TLDC2: variants seen among roughly 807,000 people sequenced by gnomAD.
The protein encoded by TLDC2 is TLD domain-containing protein 2.
A neutral mutation model predicts 27.9 loss-of-function variants in TLDC2; 23 were observed. The observed-to-expected ratio is 0.82, with a 90% CI of 0.59 to 1.17. The LOEUF is 1.17. Among genes scored for constraint, TLDC2 ranks in the 50% most tolerant of loss-of-function variants. TLDC2 has a pLI of 0.00. For missense variants in TLDC2, 286 were observed against 273.4 expected, an observed-to-expected ratio of 1.05 and a Z score of -0.32; for synonymous variants, 124 against 107.4, an observed-to-expected ratio of 1.16 and a Z score of -0.96.
chr20:36,888,838 T>G (rs1372271060), intron 5 of TLDC2, among the ~76,000 whole-genome samples: 1 of 149,616 alleles, frequency 6.7e-6, no homozygotes, highest in Non-Finnish European at 1.5e-5. Flanking sequence ...CTGGCCAACA[T>G]AGCAAAACCC....
At chr20:36,877,610 G>A (rs960752650) in intron 1 of TLDC2, among the ~76,000 whole-genome samples, 3 of 152,110 alleles carry the variant, frequency 2.0e-5, no homozygotes, top group African/African-American at 4.8e-5. Context: ...CAAACAGACC[G>A]ACAAGTCGCA....
intron 1 of TLDC2, among the ~76,000 whole-genome samples, chr20:36,877,207 C>T (rs566082268): frequency 2.6e-5 from 4 of 152,046 alleles, no homozygotes; most frequent in Admixed American, 6.6e-5. Flanking sequence ...AGGAGGAACC[C>T]GTGTCTCTAC....
intron 3 of TLDC2, among the ~76,000 whole-genome samples, chr20:36,879,514 G>A (rs1989753737): frequency 6.6e-6 from 1 of 152,044 alleles, no homozygotes; most frequent in East Asian, 1.9e-4. Context: ...TCATTTGACT[G>A]TAAAACTGCA....
chr20:36,891,160 T>C (rs1046892875), intron 6 of TLDC2: 1 of 152,236 alleles, frequency 6.6e-6, no homozygotes, highest in Non-Finnish European at 1.5e-5. Flanking sequence ...ATGGTAGGCA[T>C]GAGAGGAGAA....
chr20:36,879,885 GA>G (rs71186023), intron 3 of TLDC2, among the ~76,000 whole-genome samples: 97 of 135,104 alleles, frequency 7.2e-4, no homozygotes, highest in Middle Eastern at 3.7e-3. Flanking sequence ...AACCCTGTCT[GA>G]AAAAAAAAAA....
chr20:36,876,183 C>T lies in TLDC2; in HGVS notation c.9C>T (p.Gly3=), dbSNP rs139684948. MR[G]LRWRYTRLPS... is the part of the protein sequence containing the mutation. Reference sequence around the variant, plus strand: ...TGAGCAGGGACAGGAGAATGAGAGGCCTCCGCTGGCGTTACACTCGGCTGG... The same window carrying T: ...TGAGCAGGGACAGGAGAATGAGAGGTCTCCGCTGGCGTTACACTCGGCTGG... Residue 3 remains glycine, a synonymous_variant, in exon 1 of 7, where the codon GGC becomes GGT. Coordinates refer to ENST00000217320, the MANE Select transcript of TLDC2 (RefSeq NM_080628.3). 3.5e-4 allele frequency: 569 copies of T among 1,614,176 alleles called. 2 individuals are homozygous for T. The African/African-American group carries it at 5.8e-3, about 16-fold the overall frequency.
rs1989740810 is a variant in TLDC2 at position 36,879,078 on chromosome 20, C to T, written c.227C>T (p.Pro76Leu). Residue 76 changes from proline to leucine, a missense_variant, in exon 3 of 7, where the codon CCC (proline) becomes CTC (leucine). Pro to Leu is a moderately conservative substitution (Grantham distance 98). Coordinates refer to ENST00000217320, the MANE Select transcript of TLDC2 (RefSeq NM_080628.3). ...TTCCCACCAAGAGTCACCGGCCATC[C>T]CTGGAGTCTGGTCTTCTGCACGTCA... ...FHFPPRVTGH[P>L]WSLVFCTSRD... is the part of the protein sequence containing the mutation. The T allele has an allele frequency of 3.1e-6, 5 of 1,614,104 alleles. No individual in the cohort carries two copies. The highest frequency in any genetic ancestry group is 1.7e-5 in the Admixed American group (1 of 60,006).
Position 36,892,845 on chromosome 20 carries a change from T to C in TLDC2, c.*18-17T>C. The C allele has an allele frequency of 1.3e-6, 2 of 1,514,352 alleles. No individual in the cohort carries two copies. The highest frequency in any genetic ancestry group is 1.8e-6 in the Non-Finnish European group (2 of 1,089,068). The allele number at this position is 1,514,352 out of a possible 1,614,324, so 93.8% of individuals were successfully genotyped here. Reference sequence around the variant, plus strand: ...TCAAAATACAAAATTAAAGCATGAGTTGTCATTAATTTGCAGAATTCTATG... The same window carrying C: ...TCAAAATACAAAATTAAAGCATGAGCTGTCATTAATTTGCAGAATTCTATG... On this transcript the variant is annotated splice_polypyrimidine_tract_variant and intron_variant, in intron 6 of 6. Coordinates refer to ENST00000217320, the MANE Select transcript of TLDC2 (RefSeq NM_080628.3).
intron 3 of TLDC2, 36 bp downstream of exon 3, chr20:36,879,229 G>A (rs536871488): frequency 1.0e-4 from 163 of 1,593,142 alleles, no homozygotes; most frequent in Middle Eastern, 1.7e-4. Flanking sequence ...AGGCTCTGGG[G>A]GCACCCCACC....
chr20:36,878,388 C>A lies in TLDC2; in HGVS notation c.189+334C>A, dbSNP rs138156272. Among the ~76,000 whole-genome samples the A allele has an allele frequency of 5.8e-3, 884 of 152,224 alleles. 11 individuals carry two copies. Among genetic ancestry groups the A allele is most frequent in the Non-Finnish European group, 5.9e-3 (404 of 67,994 alleles). On this transcript the variant is annotated intron_variant, in intron 2 of 6. Coordinates refer to ENST00000217320, the MANE Select transcript of TLDC2 (RefSeq NM_080628.3). ...TTGAGGCCAGGAGCTGGAGACGAGC[C>A]TGGCCAACATGGCAAAACCCTGTCT...
chr20:36,881,804 G>A (rs1398822191), intron 4 of TLDC2, among the ~76,000 whole-genome samples: 1 of 152,208 alleles, frequency 6.6e-6, no homozygotes, highest in African/African-American at 2.4e-5. Context: ...TGACATCAAA[G>A]GCTTGGAGCA....
At chr20:36,879,637 G>A (rs1449941918) in intron 3 of TLDC2, among the ~76,000 whole-genome samples, 1 of 151,948 alleles carries the variant, frequency 6.6e-6, no homozygotes. Context: ...AGGAGATCAA[G>A]ACCAGCCTGG....
intron 4 of TLDC2, among the ~76,000 whole-genome samples, chr20:36,882,858 T>G (rs1394247930): frequency 6.6e-6 from 1 of 152,210 alleles, no homozygotes; most frequent in African/African-American, 2.4e-5. Flanking sequence ...TCTAAAGGTC[T>G]AGAATTTTCC....
At chr20:36,879,931 G>A (rs1989762887) in intron 3 of TLDC2, among the ~76,000 whole-genome samples, 1 of 150,742 alleles carries the variant, frequency 6.6e-6, no homozygotes, top group African/African-American at 2.4e-5. Flanking sequence ...ACTGATGTCA[G>A]AAGGAAACAT....
At chr20:36,887,403 G>A (rs1989944510) in intron 4 of TLDC2, 52 bp from the exon 5 acceptor site, 1 of 1,535,506 alleles carries the variant, frequency 6.5e-7, no homozygotes, top group Non-Finnish European at 9.0e-7. Flanking sequence ...CAAACTGCAA[G>A]GGCGGGACTC....
chr20:36,889,172 A>C, intron 5 of TLDC2, 79 bp from the exon 6 acceptor site: 29 of 1,564,412 alleles, frequency 1.9e-5, no homozygotes, highest in South Asian at 2.4e-5. Flanking sequence ...GGCATGGCCA[A>C]GAGCTGATGC....
intron 1 of TLDC2, among the ~76,000 whole-genome samples, chr20:36,877,628 C>T (rs1209090020): frequency 3.9e-5 from 6 of 152,186 alleles, no homozygotes; most frequent in Admixed American, 1.3e-4. Flanking sequence ...GCACGGCCCA[C>T]GGCCCCATCT....
chr20:36,889,365 G>A lies in TLDC2; in HGVS notation c.627G>A (p.Leu209=). ...AGGAGCAGTTCTGCATCCAGGAGCT[G>A]GAGGCTTGGCTTCTCAGCTGACAGC... The part of the protein sequence containing the change: ...ARQEQFCIQE[L]EAWLLS The change falls in exon 6 of 7, where the codon CTG becomes CTA. Residue 209 remains leucine, a synonymous_variant. Coordinates refer to ENST00000217320, the MANE Select transcript of TLDC2 (RefSeq NM_080628.3). 6.2e-7 allele frequency: 1 copy of A among 1,614,090 alleles called. No homozygotes were observed. The highest frequency in any genetic ancestry group is 1.1e-5 in the South Asian group (1 of 91,074).
chr20:36,884,384 T>C (rs1989876336), intron 4 of TLDC2, among the ~76,000 whole-genome samples: 1 of 152,186 alleles, frequency 6.6e-6, no homozygotes, highest in African/African-American at 2.4e-5. Flanking sequence ...ACTGGATCTC[T>C]GCATGGTTCA....
Sources: gnomAD v4.1 joint callset for allele counts (sites outside exome capture counted in the v4.1 genomes callset) on GRCh38, gnomAD v4.1.1 for gene constraint, MANE v1.5 for transcripts, NCBI Gene and HGNC (gene_info 2026-07-23, HGNC 2026-07-21) for gene names.